FHIP1A: variants seen among roughly 807,000 people sequenced by gnomAD.
FHIP1A encodes the protein FHF complex subunit HOOK interacting protein 1A, also known as FHF complex subunit HOOK-interacting protein 1A.
In FHIP1A, 61 loss-of-function variants were observed where a neutral mutation model predicts 88.6. The observed-to-expected ratio is 0.69, with a 90% CI of 0.56 to 0.85. The LOEUF is 0.85. Ranked by LOEUF, FHIP1A falls within the 40% of genes least tolerant of loss-of-function variation. The probability of loss-of-function intolerance (pLI) is 0.00; values close to 1 mark genes in which losing one functional copy is unlikely to be tolerated. For synonymous variants in FHIP1A, 478 were observed against 496.0 expected (o/e 0.96, Z 0.48); for missense variants, 1,154 against 1,273.5 (o/e 0.91, Z 1.43).
At chr4:151,419,353 G>C (rs1733026342) in intron 1 of FHIP1A, among the ~76,000 whole-genome samples, 1 of 152,058 alleles carries the variant, frequency 6.6e-6, no homozygotes, top group Non-Finnish European at 1.5e-5. Flanking sequence ...TGTCTCTCTT[G>C]GGTCTCCAGC....
chr4:151,427,423 G>T (rs1052006233), intron 1 of FHIP1A, among the ~76,000 whole-genome samples: 1 of 152,018 alleles, frequency 6.6e-6, no homozygotes, highest in Non-Finnish European at 1.5e-5. Flanking sequence ...TAGGACATTT[G>T]TTGTTGATAT....
rs1369056895 is a variant in FHIP1A at position 151,665,656 on chromosome 4, G to C, written c.*2902G>C. 6.6e-6 allele frequency among the ~76,000 whole-genome samples: 1 copy of C among 152,210 alleles called. No homozygotes were observed. The highest frequency in any genetic ancestry group is 1.5e-5 in the Non-Finnish European group (1 of 68,046). ...ATTCGGGGGAGTGAACATTGATCTAGGCGGATATGAAGAAACCAGGGAGTG... is the reference window on the plus strand; with the variant it reads ...ATTCGGGGGAGTGAACATTGATCTACGCGGATATGAAGAAACCAGGGAGTG... On this transcript the variant is annotated 3_prime_UTR_variant, in exon 14 of 14. Transcript: ENST00000435205.
At chr4:151,604,325 G>A (rs875667) in intron 7 of FHIP1A, among the ~76,000 whole-genome samples, 39,534 of 151,592 alleles carry the variant, frequency 0.26, 5,790 homozygotes, top group Non-Finnish European at 0.33. Flanking sequence ...CTGCTTCCCT[G>A]CTCTTTCCTG....
rs1737231726 is a variant in FHIP1A, at chr4:151,656,307, T to G, written c.2627T>G (p.Ile876Ser). ...TCTTTACATGTTAATTTGCTGCTTA[T>G]CGGGATCATTACTCAGCTAGCCAGC... ...ENSLHVNLLL[I>S]GIITQLASYP... is the part of the protein sequence containing the mutation. The change falls in exon 12 of 14, where the codon ATC becomes AGC. Residue 876 changes from isoleucine to serine, a missense_variant. Transcript: ENST00000435205. This position sits in a 1 kb window ranked among gnomAD's most constrained non-coding sequence, Gnocchi z 4.2. 3 of 1,551,656 alleles carry G rather than the reference T, an allele frequency of 1.9e-6. No individual in the cohort carries two copies. The highest frequency in any genetic ancestry group is 4.9e-5 in the East Asian group (2 of 40,918).
chr4:151,553,046 T>C (rs1202642736), intron 3 of FHIP1A, among the ~76,000 whole-genome samples: 1 of 152,150 alleles, frequency 6.6e-6, no homozygotes, highest in Admixed American at 6.6e-5. Context: ...GATCTTTAAA[T>C]TGCACATACA....
At chr4:151,653,377 T>TCTCC (rs1491244057) in intron 11 of FHIP1A, among the ~76,000 whole-genome samples, 4 of 151,664 alleles carry the variant, frequency 2.6e-5, no homozygotes, top group African/African-American at 7.3e-5. Flanking sequence ...TCTCTCTCTC[T>TCTCC]CCCCCTCCCT....
intron 3 of FHIP1A, among the ~76,000 whole-genome samples, chr4:151,535,941 A>T (rs1414734956): frequency 6.6e-6 from 1 of 152,202 alleles, no homozygotes; most frequent in Non-Finnish European, 1.5e-5. Context: ...AACACATTAC[A>T]ATTTGTTCGT....
At chr4:151,579,468 GTT>G (rs1733942286) in intron 5 of FHIP1A, among the ~76,000 whole-genome samples, 1 of 152,162 alleles carries the variant, frequency 6.6e-6, no homozygotes, top group Non-Finnish European at 1.5e-5. Context: ...CGTGGTTTGG[GTT>G]TTAGCTTATT....
chr4:151,540,162 CAT>C (rs2126726378), intron 3 of FHIP1A, among the ~76,000 whole-genome samples: 1 of 152,290 alleles, frequency 6.6e-6, no homozygotes, highest in East Asian at 1.9e-4. Flanking sequence ...AAGATAGGAA[CAT>C]ATGTGTCATT....
intron 8 of FHIP1A, among the ~76,000 whole-genome samples, chr4:151,630,440 A>C (rs1471127924): frequency 6.6e-6 from 1 of 152,238 alleles, no homozygotes; most frequent in Non-Finnish European, 1.5e-5. Flanking sequence ...TTCGGTTTGC[A>C]ACATATATAG....
At chr4:151,495,601 T>C (rs1428157704) in intron 3 of FHIP1A, among the ~76,000 whole-genome samples, 1 of 151,696 alleles carries the variant, frequency 6.6e-6, no homozygotes, top group Non-Finnish European at 1.5e-5. Flanking sequence ...GTGATTTTTA[T>C]TATCTTTTTG....
At chr4:151,436,838 T>C (rs1728222508) in intron 1 of FHIP1A, among the ~76,000 whole-genome samples, 2 of 152,102 alleles carry the variant, frequency 1.3e-5, no homozygotes, top group Admixed American at 1.3e-4. Flanking sequence ...AATACCAACA[T>C]CCATGGGATG....
chr4:151,441,231 A>G (rs183421382), intron 1 of FHIP1A, among the ~76,000 whole-genome samples: 5 of 152,262 alleles, frequency 3.3e-5, no homozygotes, highest in African/African-American at 9.6e-5. Context: ...CCACAAAACC[A>G]TGGTACAAAA....
chr4:151,452,707 G>T (rs1010714023), intron 1 of FHIP1A, among the ~76,000 whole-genome samples: 16 of 151,848 alleles, frequency 1.1e-4, no homozygotes, highest in Non-Finnish European at 1.8e-4. Flanking sequence ...AACCCAGTAG[G>T]CAGAGGTTGC....
At chr4:151,448,112 T>C (rs550574742) in intron 1 of FHIP1A, among the ~76,000 whole-genome samples, 158 of 151,952 alleles carry the variant, frequency 1.0e-3, no homozygotes, top group Non-Finnish European at 2.0e-3. Context: ...AGAGATGGCA[T>C]TTCACCATGT....
In FHIP1A at chr4:151,629,687, C is replaced by T. The variant is rs372249148; in HGVS notation, c.979-15C>T. On this transcript the variant is annotated splice_polypyrimidine_tract_variant and intron_variant, in intron 7 of 13. Coordinates refer to ENST00000435205, the MANE Select transcript of FHIP1A (RefSeq NM_001109977.3). Reference sequence around the variant, plus strand: ...AAAGGATGCTCACCTGTGCTCACTCCGTTGTTTGTCCTAGGTGACTGTGGA... The same window carrying T: ...AAAGGATGCTCACCTGTGCTCACTCTGTTGTTTGTCCTAGGTGACTGTGGA... 7.8e-5 allele frequency: 121 copies of T among 1,549,542 alleles called. 1 individual carries two copies. The highest frequency in any genetic ancestry group is 7.4e-4 in the South Asian group (62 of 83,888).
intron 7 of FHIP1A, among the ~76,000 whole-genome samples, chr4:151,621,624 C>T (rs548049958): frequency 1.6e-3 from 237 of 151,984 alleles, no homozygotes; most frequent in African/African-American, 5.0e-3. Flanking sequence ...TTAGATGCTG[C>T]GTTTTTGCAG....
At chr4:151,409,671 G>C (rs1383830050) in intron 1 of FHIP1A, among the ~76,000 whole-genome samples, 4 of 152,160 alleles carry the variant, frequency 2.6e-5, no homozygotes. Context: ...GGGGCGCAGG[G>C]GGGAGGAGGT....
At chr4:151,639,218 T>C (rs1736477975) in intron 9 of FHIP1A, among the ~76,000 whole-genome samples, 1 of 152,226 alleles carries the variant, frequency 6.6e-6, no homozygotes, top group Non-Finnish European at 1.5e-5. Flanking sequence ...GATCTGTGAG[T>C]ATATTTCAGT....
Sources: gnomAD v4.1 joint callset for allele counts (sites outside exome capture counted in the v4.1 genomes callset) on GRCh38, gnomAD v4.1.1 for gene constraint, Gnocchi (gnomAD v3.1) non-coding constraint, MANE v1.5 for transcripts, NCBI Gene and HGNC (gene_info 2026-07-23, HGNC 2026-07-21) for gene names.